TMEM117: variants seen among roughly 807,000 people sequenced by gnomAD.
The protein encoded by TMEM117 is transmembrane protein 117.
In TMEM117, 27 loss-of-function variants were observed where a neutral mutation model predicts 52.4. The ratio of observed to expected loss-of-function variants is 0.51; its 90% CI spans 0.38 to 0.71. The LOEUF (loss-of-function observed/expected upper bound fraction) is 0.71, where lower values mean the gene tolerates loss of function less well. Ranked by LOEUF, TMEM117 falls within the 30% of genes least tolerant of loss-of-function variation. The probability of loss-of-function intolerance (pLI) is 0.00; values close to 1 mark genes in which losing one functional copy is unlikely to be tolerated. For synonymous variants in TMEM117, 215 were observed against 206.3 expected (o/e 1.04, Z -0.36); for missense variants, 556 against 630.5 (o/e 0.88, Z 1.26).
Position 44,121,194 on chromosome 12 carries a change from C to G in TMEM117, c.411-22331C>G, listed in dbSNP as rs925496007. ...CCATTTTCTCCCACTGGGTCCCTCCCACAACACATGGGAATTATGGGAGTA... is the reference window on the plus strand; with the variant it reads ...CCATTTTCTCCCACTGGGTCCCTCCGACAACACATGGGAATTATGGGAGTA... On this transcript the variant is annotated intron_variant, in intron 3 of 7. Coordinates refer to ENST00000266534, the MANE Select transcript of TMEM117 (RefSeq NM_032256.3). Among the ~76,000 whole-genome samples the G allele has an allele frequency of 5.3e-5, 8 of 152,288 alleles. No homozygotes were observed. The East Asian group carries it at 1.5e-3, about 29-fold the overall frequency.
At chr12:44,279,597 T>G (rs1392798322) in intron 5 of TMEM117, among the ~76,000 whole-genome samples, 2 of 149,230 alleles carry the variant, frequency 1.3e-5, no homozygotes, top group Non-Finnish European at 3.0e-5. Flanking sequence ...CACTGCAACC[T>G]CCGCATCCCA....
intron 3 of TMEM117, among the ~76,000 whole-genome samples, chr12:44,129,120 A>G (rs951435050): frequency 7.2e-5 from 11 of 152,198 alleles, no homozygotes; most frequent in Admixed American, 4.6e-4. Flanking sequence ...TCTACTCAGC[A>G]TGAGTGTTGT....
At position 44,023,286 on chromosome 12, in the gene TMEM117, C is replaced by T. The variant is rs552880563; in HGVS notation, c.410+78944C>T. ...TGTGAATAGTGCCGCAATAAACATA[C>T]GTGTGCATTTGTCTTTATTGCAGCG... On this transcript the variant is annotated intron_variant, in intron 3 of 7. Transcript: ENST00000266534. Among the ~76,000 whole-genome samples, 9 of 152,256 alleles carry T rather than the reference C, an allele frequency of 5.9e-5. No individual in the cohort carries two copies. The South Asian group carries it at 1.2e-3, about 21-fold the overall frequency.
At chr12:43,894,347 T>C (rs1047470297) in intron 2 of TMEM117, among the ~76,000 whole-genome samples, 1 of 152,236 alleles carries the variant, frequency 6.6e-6, no homozygotes, top group African/African-American at 2.4e-5. Flanking sequence ...TGGTTCATTT[T>C]TGCATCCCTA....
chr12:43,922,039 T>G (rs766373929), intron 2 of TMEM117, among the ~76,000 whole-genome samples: 1 of 152,120 alleles, frequency 6.6e-6, no homozygotes, highest in Non-Finnish European at 1.5e-5. Context: ...TCCATGTAAA[T>G]TGCCCACCTT....
intron 5 of TMEM117, among the ~76,000 whole-genome samples, chr12:44,224,056 T>C (rs2138432719): frequency 6.6e-6 from 1 of 152,236 alleles, no homozygotes; most frequent in East Asian, 1.9e-4. Flanking sequence ...TCCTAGCCCT[T>C]ATAGCTTCCC....
chr12:43,834,315 T>C, upstream of TMEM117, among the ~76,000 whole-genome samples: 1 of 152,144 alleles, frequency 6.6e-6, no homozygotes. Flanking sequence ...AAAAGCACAG[T>C]GGAATATAAT....
At chr12:43,884,819 A>G (rs939799170) in intron 2 of TMEM117, among the ~76,000 whole-genome samples, 1 of 152,026 alleles carries the variant, frequency 6.6e-6, no homozygotes, top group African/African-American at 2.4e-5. Flanking sequence ...TCAACTTACC[A>G]CCAGACCCTA....
At chr12:44,396,108 G>A in the TMEM117 span, among the ~76,000 whole-genome samples, 1 of 152,130 alleles carries the variant, frequency 6.6e-6, no homozygotes, top group Non-Finnish European at 1.5e-5. Context: ...ACTCAAGACT[G>A]TATGCCAGCT....
intron 3 of TMEM117, among the ~76,000 whole-genome samples, chr12:44,012,887 G>A (rs1200726327): frequency 6.6e-6 from 1 of 152,152 alleles, no homozygotes; most frequent in East Asian, 1.9e-4. Context: ...TTGTTGAAAG[G>A]AGGACATGAT....
At chr12:44,369,374 G>C (rs1347532217) in intron 6 of TMEM117, among the ~76,000 whole-genome samples, 1 of 152,124 alleles carries the variant, frequency 6.6e-6, no homozygotes, top group Non-Finnish European at 1.5e-5. Context: ...TCAAGGCAAG[G>C]CCTCTGAAAA....
chr12:44,218,710 C>A (rs1374598955), intron 5 of TMEM117, among the ~76,000 whole-genome samples: 1 of 152,194 alleles, frequency 6.6e-6, no homozygotes, highest in Non-Finnish European at 1.5e-5. Flanking sequence ...ACATATGAGA[C>A]ATATTACCTA....
chr12:43,835,806 A>C (rs1052994954), upstream of TMEM117, among the ~76,000 whole-genome samples: 1 of 151,330 alleles, frequency 6.6e-6, no homozygotes, highest in Non-Finnish European at 1.5e-5. Flanking sequence ...CCCGTGGCGC[A>C]CGCGGCCCGC....
chr12:44,037,256 C>G (rs1946723946), intron 3 of TMEM117, among the ~76,000 whole-genome samples: 1 of 152,194 alleles, frequency 6.6e-6, no homozygotes, highest in Non-Finnish European at 1.5e-5. Flanking sequence ...CATCCAGCCA[C>G]AGCTGCAGGC....
intron 6 of TMEM117, among the ~76,000 whole-genome samples, chr12:44,334,874 G>C (rs1951320418): frequency 6.6e-6 from 1 of 151,906 alleles, no homozygotes; most frequent in African/African-American, 2.4e-5. Flanking sequence ...AAAATCTTCT[G>C]AAAAAGTATA....
At chr12:44,369,724 A>G (rs1453835423) in intron 6 of TMEM117, among the ~76,000 whole-genome samples, 1 of 152,216 alleles carries the variant, frequency 6.6e-6, no homozygotes, top group Non-Finnish European at 1.5e-5. Context: ...TGTTTTAGTG[A>G]TGAATGAGGT....
At chr12:43,944,013 C>A (rs1945087473) in intron 2 of TMEM117, among the ~76,000 whole-genome samples, 197 bp from the exon 3 acceptor site, 1 of 152,114 alleles carries the variant, frequency 6.6e-6, no homozygotes, top group African/African-American at 2.4e-5. Context: ...ATATGAGGAT[C>A]GTCTTCGACT....
chr12:44,124,821 T>A (rs931886740), intron 3 of TMEM117, among the ~76,000 whole-genome samples: 8 of 152,180 alleles, frequency 5.3e-5, no homozygotes, highest in Non-Finnish European at 1.2e-4. Flanking sequence ...TTGTTGAGGA[T>A]TTTTGCATCA....
chr12:43,962,566 T>C (rs925408887), intron 3 of TMEM117, among the ~76,000 whole-genome samples: 22 of 152,128 alleles, frequency 1.4e-4, no homozygotes, highest in African/African-American at 5.3e-4. Flanking sequence ...AAGTATTGGA[T>C]TTTGATATAT....
Sources: allele counts gnomAD v4.1 joint callset (sites outside exome capture counted in the v4.1 genomes callset), GRCh38; gene constraint gnomAD v4.1.1; transcripts MANE v1.5; gene names NCBI Gene and HGNC (gene_info 2026-07-23, HGNC 2026-07-21).